Variants in CSMD2 observed in about 807,000 individuals in gnomAD.
The protein encoded by CSMD2 is CUB and Sushi multiple domains 2, also known as CUB and sushi domain-containing protein 2.
CSMD2 carries 130 observed loss-of-function variants against 398.5 expected under a neutral mutation model. That is an observed-to-expected ratio of 0.33 (90% CI 0.28 to 0.38). CSMD2 has a LOEUF of 0.38. Ranked by LOEUF, CSMD2 falls within the 10% of genes least tolerant of loss-of-function variation. CSMD2 has a pLI of 1.00. For synonymous variants in CSMD2, 1,828 were observed against 1,908.5 expected, an observed-to-expected ratio of 0.96 and a Z score of 1.10; for missense variants, 3,829 against 4,764.9, an observed-to-expected ratio of 0.80 and a Z score of 5.78.
chr1:34,059,354 T>C (rs1654209786), intron 2 of CSMD2, among the ~76,000 whole-genome samples: 1 of 152,156 alleles, frequency 6.6e-6, no homozygotes, highest in Non-Finnish European at 1.5e-5. Flanking sequence ...TTTTGCTAGA[T>C]GTGCCTCCAT....
intron 6 of CSMD2, among the ~76,000 whole-genome samples, chr1:33,829,577 C>T (rs933792246): frequency 6.6e-5 from 10 of 152,170 alleles, no homozygotes; most frequent in Non-Finnish European, 8.8e-5. Context: ...CCAGCGTGAG[C>T]GACGCAGAAG....
Position 33,533,298 on chromosome 1 carries a change from C to G in CSMD2, c.9992-69G>C, listed in dbSNP as rs557247705. 1.5e-6 allele frequency: 2 copies of G among 1,370,288 alleles called. No individual in the cohort carries two copies. The highest frequency in any genetic ancestry group is 2.4e-5 in the South Asian group (2 of 82,044). The allele number at this position is 1,370,288 out of a possible 1,614,324, so 84.9% of individuals were successfully genotyped here. ...GCTTCAGGGGCCCTTTCGACCATTC[C>G]CCTGTTCCTAGATAGAATATCCTCT... On this transcript the variant is annotated intron_variant, in intron 63 of 70. Coordinates refer to ENST00000373381, the MANE Select transcript of CSMD2 (RefSeq NM_001281956.2). This position sits in a 1 kb window ranked among gnomAD's most constrained non-coding sequence, Gnocchi z 4.2.
chr1:33,810,702 C>T (rs1222707272), intron 10 of CSMD2, 41 bp downstream of exon 10: 2 of 1,604,296 alleles, frequency 1.2e-6, no homozygotes, highest in Admixed American at 1.7e-5. Flanking sequence ...CCCAACCTAG[C>T]CCTGCCCACA....
intron 4 of CSMD2, among the ~76,000 whole-genome samples, chr1:33,924,430 A>G (rs1391302174): frequency 6.6e-6 from 1 of 152,200 alleles, no homozygotes; most frequent in Non-Finnish European, 1.5e-5. Context: ...TTTTCTTTAT[A>G]CATTTATCTA....
rs942366505 is a variant in CSMD2, at chr1:33,635,137, C to T, written c.5086+77G>A. On this transcript the variant is annotated intron_variant, in intron 31 of 70. Transcript: ENST00000373381. The surrounding 1 kb of genome is among the most constrained non-coding windows in gnomAD (Gnocchi z 5.0). Reference sequence around the variant, plus strand: ...AATGGGGCTGTATATAATTGGGAGGCGTCTGAGGAATTGCTCATTTTGGAA... The same window carrying T: ...AATGGGGCTGTATATAATTGGGAGGTGTCTGAGGAATTGCTCATTTTGGAA... 3.6e-5 allele frequency: 31 copies of T among 855,422 alleles called. No individual in the cohort carries two copies. Among genetic ancestry groups the T allele is most frequent in the Non-Finnish European group, 5.1e-5 (26 of 513,884 alleles). The allele number at this position is 855,422 out of a possible 1,614,324, so 53.0% of individuals were successfully genotyped here. A position where few individuals can be genotyped will look rare whatever the true frequency, so the allele number is the denominator to read the frequency against.
chr1:33,708,179 C>T (rs764129626), intron 22 of CSMD2, among the ~76,000 whole-genome samples: 9 of 152,138 alleles, frequency 5.9e-5, no homozygotes, highest in Non-Finnish European at 1.2e-4. Context: ...TTAACAAATC[C>T]CTCTCTATGA....
At chr1:34,148,980 C>A (rs1397171980) in intron 1 of CSMD2, among the ~76,000 whole-genome samples, 2 of 152,184 alleles carry the variant, frequency 1.3e-5, no homozygotes, top group African/African-American at 4.8e-5. Flanking sequence ...GTTTCCCACA[C>A]TCATCTGGTC....
chr1:33,638,784 A>G, intron 29 of CSMD2, among the ~76,000 whole-genome samples: 1 of 152,070 alleles, frequency 6.6e-6, no homozygotes, highest in East Asian at 1.9e-4. Context: ...ACACTCTTTG[A>G]GCAGCTACTT....
In CSMD2 at chr1:34,164,442, C is replaced by A. The variant is rs1249163280; in HGVS notation, c.187+469G>T. On this transcript the variant is annotated intron_variant, in intron 1 of 70. Coordinates refer to ENST00000373381, the MANE Select transcript of CSMD2 (RefSeq NM_001281956.2). The surrounding 1 kb of genome is among the most constrained non-coding windows in gnomAD (Gnocchi z 6.2). ...ATGGGCGGGGGCAGGGAAGGGCAGA[C>A]CTTGCAGACGCAGAAATGGGGAGGG... Among the ~76,000 whole-genome samples the A allele has an allele frequency of 6.6e-6, 1 of 152,010 alleles. No homozygotes were observed. Among genetic ancestry groups the A allele is most frequent in the Non-Finnish European group, 1.5e-5 (1 of 68,010 alleles).
intron 1 of CSMD2, among the ~76,000 whole-genome samples, chr1:34,129,121 G>A (rs1469285765): frequency 2.0e-5 from 3 of 151,916 alleles, no homozygotes; most frequent in African/African-American, 7.3e-5. Flanking sequence ...CATGGGTCCC[G>A]CTGCCACCCC....
chr1:33,819,887 C>A, intron 8 of CSMD2, 50 bp from the exon 9 acceptor site: 1 of 1,608,704 alleles, frequency 6.2e-7, no homozygotes, highest in Non-Finnish European at 8.5e-7. Context: ...CTGCCAAGCC[C>A]CGCCCCAAGT....
chr1:33,830,294 G>A (rs1193131408), intron 6 of CSMD2, among the ~76,000 whole-genome samples: 5 of 152,130 alleles, frequency 3.3e-5, no homozygotes, highest in African/African-American at 1.2e-4. Context: ...ACACGGCCGG[G>A]TACTCCTCTG....
intron 5 of CSMD2, among the ~76,000 whole-genome samples, chr1:33,894,922 T>C (rs964732571): frequency 6.6e-6 from 1 of 152,128 alleles, no homozygotes; most frequent in Non-Finnish European, 1.5e-5. Context: ...CCAAATCCTT[T>C]TCCCCCAAGA....
chr1:34,051,319 G>C (rs143037231), intron 2 of CSMD2, among the ~76,000 whole-genome samples: 1 of 152,112 alleles, frequency 6.6e-6, no homozygotes, highest in Non-Finnish European at 1.5e-5. Context: ...ATACAGAATG[G>C]GTAGTGAAAG....
At chr1:33,968,304 T>C (rs1645634131) in intron 3 of CSMD2, among the ~76,000 whole-genome samples, 1 of 152,186 alleles carries the variant, frequency 6.6e-6, no homozygotes, top group Non-Finnish European at 1.5e-5. Context: ...TTTTTACAAA[T>C]TCCAGGTGGC....
At chr1:34,020,389 G>A (rs1648707962) in intron 3 of CSMD2, among the ~76,000 whole-genome samples, 1 of 152,242 alleles carries the variant, frequency 6.6e-6, no homozygotes, top group South Asian at 2.1e-4. Flanking sequence ...AGGAAGCGGA[G>A]AGCTGGAAGG....
At chr1:34,125,552 T>TGTGTGTGTGTG (rs1662656751) in intron 1 of CSMD2, among the ~76,000 whole-genome samples, 2 of 147,126 alleles carry the variant, frequency 1.4e-5, no homozygotes, top group East Asian at 2.0e-4. Context: ...TGTGTGTGTG[T>TGTGTGTGTGTG]TGGCAGCAAT....
intron 4 of CSMD2, among the ~76,000 whole-genome samples, chr1:33,924,594 T>C (rs866211313): frequency 2.0e-5 from 3 of 152,200 alleles, no homozygotes; most frequent in Non-Finnish European, 2.9e-5. Context: ...GTTCTATTTT[T>C]AGTCTTTTGA....
rs139428183 is a variant in CSMD2 at position 33,661,021 on chromosome 1, T to C, written c.4255+1869A>G. 2.0e-5 allele frequency among the ~76,000 whole-genome samples: 3 copies of C among 152,224 alleles called. No individual in the cohort carries two copies. The East Asian group carries it at 5.8e-4, about 29-fold the overall frequency. On this transcript the variant is annotated intron_variant, in intron 26 of 70. Transcript: ENST00000373381. The stretch of plus-strand genomic sequence containing the variant: ...GATTAGGAGGCAGTGGCATCTGAGA[T>C]GAACCTTGAAGGATGAATAGGACTT...
Sources: allele counts gnomAD v4.1 joint callset (sites outside exome capture counted in the v4.1 genomes callset), GRCh38; gene constraint gnomAD v4.1.1; non-coding constraint Gnocchi (gnomAD v3.1); transcripts MANE v1.5; gene names NCBI Gene and HGNC (gene_info 2026-07-23, HGNC 2026-07-21).